The following XKR9 variants were observed in gnomAD, a reference collection of about 807,000 sequenced individuals.
XKR9 encodes the protein XK related 9, also known as XK-related protein 9.
In XKR9, 32 loss-of-function variants were observed where a neutral mutation model predicts 32.0. That is an observed-to-expected ratio of 1.00 (90% CI 0.76 to 1.34). XKR9 has a LOEUF of 1.34. XKR9 is among the 40% of genes most tolerant of loss of function. The pLI is 0.00. For synonymous variants in XKR9, 168 were observed against 143.4 expected, an observed-to-expected ratio of 1.17 and a Z score of -1.22; for missense variants, 546 against 429.7, an observed-to-expected ratio of 1.27 and a Z score of -2.39.
the XKR9 span, among the ~76,000 whole-genome samples, chr8:70,978,879 G>A: frequency 6.6e-6 from 1 of 152,094 alleles, no homozygotes; most frequent in African/African-American, 2.4e-5. Context: ...CACCAATCAA[G>A]CATAGATTTG....
At chr8:70,806,583 G>A in the XKR9 span, among the ~76,000 whole-genome samples, 1 of 152,182 alleles carries the variant, frequency 6.6e-6, no homozygotes, top group Non-Finnish European at 1.5e-5. Flanking sequence ...ATGACCTCAT[G>A]GAGCTGGAAA....
Position 70,686,240 on chromosome 8 carries a change from CTTTTTTTT to C in XKR9, c.272+4919_272+4926del, listed in dbSNP as rs35422609. The stretch of plus-strand genomic sequence containing the variant: ...AACACTTTAAATATTTCACTCCATT[CTTTTTTTT>C]TTTTTTTTGAGACAGAATCTCACTG... On this transcript the variant is annotated intron_variant, in intron 3 of 4. Transcript: ENST00000408926. Among the ~76,000 whole-genome samples the C allele has an allele frequency of 9.9e-3, 1,221 of 123,098 alleles. 9 individuals are homozygous for C. The highest frequency in any genetic ancestry group is 0.035 in the East Asian group (149 of 4,268). The allele number at this position is 123,098 out of a possible 152,430, so 80.8% of individuals were successfully genotyped here. A position where few individuals can be genotyped will look rare whatever the true frequency, so the allele number is the denominator to read the frequency against.
At chr8:70,957,484 A>G in the XKR9 span, among the ~76,000 whole-genome samples, 1 of 152,142 alleles carries the variant, frequency 6.6e-6, no homozygotes, top group Non-Finnish European at 1.5e-5. Flanking sequence ...CACATCGCCT[A>G]GGTATTAACC....
the XKR9 span, among the ~76,000 whole-genome samples, chr8:70,808,371 G>A: frequency 2.0e-5 from 3 of 152,256 alleles, no homozygotes; most frequent in Non-Finnish European, 2.9e-5. Flanking sequence ...CAGCATGAGC[G>A]ATGCAGAAGA....
At chr8:70,807,859 C>T in the XKR9 span, among the ~76,000 whole-genome samples, 2 of 152,148 alleles carry the variant, frequency 1.3e-5, no homozygotes, top group South Asian at 4.2e-4. Context: ...ATCAACAAGA[C>T]AGAAAATTAA....
chr8:70,983,569 T>C, the XKR9 span, among the ~76,000 whole-genome samples: 6 of 151,880 alleles, frequency 4.0e-5, no homozygotes, highest in Admixed American at 1.3e-4. Context: ...TCATCTGAGG[T>C]CAGGAGTTCA....
intron 4 of XKR9, among the ~76,000 whole-genome samples, chr8:70,714,274 C>T (rs779970431): frequency 7.9e-5 from 12 of 151,650 alleles, no homozygotes; most frequent in South Asian, 2.1e-4. Context: ...TTTGGGGATA[C>T]GCAATACAGT....
chr8:71,061,592 C>T, the XKR9 span, among the ~76,000 whole-genome samples: 1 of 152,220 alleles, frequency 6.6e-6, no homozygotes, highest in Non-Finnish European at 1.5e-5. Context: ...TGAATTGACA[C>T]TACTGTAGAC....
chr8:71,040,624 G>A, the XKR9 span, among the ~76,000 whole-genome samples: 14 of 152,090 alleles, frequency 9.2e-5, no homozygotes, highest in East Asian at 7.7e-4. Flanking sequence ...TACTTTCTCC[G>A]TGAGTTAGTG....
At chr8:71,059,669 G>A in the XKR9 span, among the ~76,000 whole-genome samples, 5 of 152,078 alleles carry the variant, frequency 3.3e-5, no homozygotes, top group Admixed American at 3.3e-4. Context: ...GTGAAGGACC[G>A]GCTCTCTCTG....
At chr8:70,805,535 A>G in the XKR9 span, among the ~76,000 whole-genome samples, 4 of 152,176 alleles carry the variant, frequency 2.6e-5, no homozygotes, top group African/African-American at 9.6e-5. Flanking sequence ...GGCGGCATTC[A>G]TCTCTATAGC....
intron 4 of XKR9, 22 bp downstream of exon 4, chr8:70,707,175 G>A (rs771941823): frequency 5.7e-6 from 9 of 1,592,562 alleles, no homozygotes; most frequent in Non-Finnish European, 7.7e-6. Context: ...TTAACTCCTT[G>A]TGTTAAATGG....
At chr8:70,833,472 A>G in the XKR9 span, among the ~76,000 whole-genome samples, 2 of 152,316 alleles carry the variant, frequency 1.3e-5, no homozygotes, top group South Asian at 4.1e-4. Context: ...AAGGTAAAGT[A>G]TATGTAGATG....
chr8:70,845,084 C>T, the XKR9 span, among the ~76,000 whole-genome samples: 8 of 152,192 alleles, frequency 5.3e-5, no homozygotes, highest in East Asian at 1.9e-4. Flanking sequence ...CAAGGAGTGG[C>T]CTACCTGGCA....
At chr8:70,791,821 A>C (rs1302482714), downstream of XKR9, among the ~76,000 whole-genome samples, 7 of 152,136 alleles carry the variant, frequency 4.6e-5, no homozygotes, top group African/African-American at 1.4e-4. Flanking sequence ...ATTGTATAAA[A>C]TTCAGCAACA....
the XKR9 span, among the ~76,000 whole-genome samples, chr8:70,861,488 CA>C: frequency 3.8e-4 from 55 of 146,606 alleles, no homozygotes; most frequent in Admixed American, 8.9e-4. Context: ...TTGTGTCTAT[CA>C]AAAAAAAAAA....
chr8:70,815,619 G>A, the XKR9 span, among the ~76,000 whole-genome samples: 45 of 151,752 alleles, frequency 3.0e-4, no homozygotes, highest in Non-Finnish European at 4.9e-4. Context: ...TCCGCCTCCC[G>A]GGTTCATGCC....
At chr8:70,823,390 C>T in the XKR9 span, among the ~76,000 whole-genome samples, 26 of 152,302 alleles carry the variant, frequency 1.7e-4, 1 homozygote, top group South Asian at 5.4e-3. Context: ...ACTCAACTTC[C>T]TACCCACTCA....
chr8:70,727,799 C>G (rs533843616), intron 4 of XKR9, among the ~76,000 whole-genome samples: 2 of 152,024 alleles, frequency 1.3e-5, no homozygotes, highest in African/African-American at 4.8e-5. Context: ...GGAGGAGAAA[C>G]TGTCTTCTTG....
Sources: gnomAD v4.1 joint callset for allele counts (sites outside exome capture counted in the v4.1 genomes callset) on GRCh38, gnomAD v4.1.1 for gene constraint, MANE v1.5 for transcripts, NCBI Gene and HGNC (gene_info 2026-07-23, HGNC 2026-07-21) for gene names.